The following EHHADH variants were observed in gnomAD, a reference collection of about 807,000 sequenced individuals.
The protein encoded by EHHADH is enoyl-CoA hydratase and 3-hydroxyacyl CoA dehydrogenase, also known as peroxisomal bifunctional enzyme.
EHHADH carries 48 observed loss-of-function variants against 64.4 expected under a neutral mutation model. That is an observed-to-expected ratio of 0.75 (90% confidence interval 0.59 to 0.95). The LOEUF is 0.95. Ranked by LOEUF, EHHADH falls within the 40% of genes least tolerant of loss-of-function variation. EHHADH has a pLI of 0.00. For synonymous variants in EHHADH, 308 were observed against 326.7 expected (o/e 0.94, Z 0.62); for missense variants, 854 against 876.6 (o/e 0.97, Z 0.33).
intron 2 of EHHADH, among the ~76,000 whole-genome samples, chr3:185,237,879 G>A: frequency 6.6e-6 from 1 of 151,992 alleles, no homozygotes; most frequent in East Asian, 1.9e-4. Context: ...TGTACCACTT[G>A]GTAACTTTTC....
chr3:185,211,604 A>G (rs1371839639), intron 5 of EHHADH, among the ~76,000 whole-genome samples: 1 of 152,214 alleles, frequency 6.6e-6, no homozygotes, highest in African/African-American at 2.4e-5. Flanking sequence ...AGCTGTGTCC[A>G]TCATAAAAGC....
In EHHADH at chr3:185,193,033, G is replaced by C. The variant is rs752441466; in HGVS notation, c.1365C>G (p.Thr455=). The C allele has an allele frequency of 6.2e-7, 1 of 1,614,210 alleles. No individual in the cohort carries two copies. The highest frequency in any genetic ancestry group is 1.1e-5 in the South Asian group (1 of 91,080). Residue 455 remains threonine, a synonymous_variant, in exon 7 of 7, where the codon ACC becomes ACG. Coordinates refer to ENST00000231887, the MANE Select transcript of EHHADH (RefSeq NM_001966.4). The part of the protein sequence containing the change: ...VIPSQYSSPT[T]IATVMNLSKK... Reference sequence around the variant, plus strand: ...TTGATAAGTTCATAACAGTGGCAATGGTAGTGGGGGAAGAGTATTGGCTGG... The same window carrying C: ...TTGATAAGTTCATAACAGTGGCAATCGTAGTGGGGGAAGAGTATTGGCTGG...
At chr3:185,232,224 CA>C (rs1372666685) in intron 3 of EHHADH, among the ~76,000 whole-genome samples, 1 of 152,138 alleles carries the variant, frequency 6.6e-6, no homozygotes, top group Non-Finnish European at 1.5e-5. Context: ...AGTCAATCAC[CA>C]TTCTTTCCAT....
intron 2 of EHHADH, among the ~76,000 whole-genome samples, chr3:185,244,970 A>G (rs1719555931): frequency 1.3e-5 from 2 of 152,134 alleles, no homozygotes; most frequent in South Asian, 4.2e-4. Context: ...GTAAAATTGG[A>G]ATATTTTCCT....
rs567541460 is a variant in EHHADH at position 185,245,981 on chromosome 3, C to T, written c.178+2433G>A. On this transcript the variant is annotated intron_variant, in intron 2 of 6. Transcript: ENST00000231887. ...GCCTGTCTGATTACTGAATGAGATA[C>T]CATCATCTTTTTTGCTATCTTCATC... is the stretch of plus-strand genomic sequence containing the variant. The T allele has an allele frequency of 6.0e-6, 9 of 1,495,250 alleles. No homozygotes were observed. The South Asian group carries it at 1.0e-4, about 17-fold the overall frequency. The allele number at this position is 1,495,250 out of a possible 1,614,324, so 92.6% of individuals were successfully genotyped here. A position where few individuals can be genotyped will look rare whatever the true frequency, so the allele number is the denominator to read the frequency against.
chr3:185,205,761 A>T (rs952288532), intron 5 of EHHADH, among the ~76,000 whole-genome samples: 6 of 152,170 alleles, frequency 3.9e-5, no homozygotes, highest in African/African-American at 1.2e-4. Context: ...TTGGAAGGTC[A>T]CCTTTTCCAG....
rs1182076981 is a variant in EHHADH at position 185,246,186 on chromosome 3, C to G, written c.178+2228G>C. On this transcript the variant is annotated intron_variant, in intron 2 of 6. Coordinates refer to ENST00000231887, the MANE Select transcript of EHHADH (RefSeq NM_001966.4). ...CTTCAGCTTCATCAATATCAAATATCTTTTTTGTTTTTTTTTCTTTTTCTT... is the reference window on the plus strand; with the variant it reads ...CTTCAGCTTCATCAATATCAAATATGTTTTTTGTTTTTTTTTCTTTTTCTT... 2.4e-5 allele frequency: 24 copies of G among 1,006,136 alleles called. No homozygotes were observed. The East Asian group carries it at 5.7e-4, about 24-fold the overall frequency. The allele number at this position is 1,006,136 out of a possible 1,614,324, so 62.3% of individuals were successfully genotyped here.
At chr3:185,253,088 A>G (rs967016018) in intron 1 of EHHADH, 2 of 153,632 alleles carry the variant, frequency 1.3e-5, no homozygotes, top group Non-Finnish European at 2.9e-5. Context: ...AGAAAATGCT[A>G]TTGCATAGGC....
chr3:185,232,187 G>T lies in EHHADH; in HGVS notation c.352-2644C>A, dbSNP rs149001214. On this transcript the variant is annotated intron_variant, in intron 3 of 6. Transcript: ENST00000231887. Reference sequence around the variant, plus strand: ...TTCCAAAATACCTCACATATGTGAGGCCTGTCTTACATGAGGTTTTCCTAA... The same window carrying T: ...TTCCAAAATACCTCACATATGTGAGTCCTGTCTTACATGAGGTTTTCCTAA... 5.8e-4 allele frequency among the ~76,000 whole-genome samples: 88 copies of T among 152,140 alleles called. 4 individuals are homozygous for T. In the East Asian group the frequency reaches 0.015, roughly 26 times the overall value.
chr3:185,246,775 C>A (rs1719607769), intron 2 of EHHADH, among the ~76,000 whole-genome samples: 1 of 152,018 alleles, frequency 6.6e-6, no homozygotes, highest in African/African-American at 2.4e-5. Context: ...CTTTCTTCTA[C>A]TTGATTAGGG....
At chr3:185,194,299 C>T (rs923759363) in intron 6 of EHHADH, among the ~76,000 whole-genome samples, 1 of 151,936 alleles carries the variant, frequency 6.6e-6, no homozygotes, top group Non-Finnish European at 1.5e-5. Context: ...AGTGAGACTC[C>T]AACTCTATAA....
chr3:185,219,859 AG>A (rs747041652), intron 4 of EHHADH, among the ~76,000 whole-genome samples: 2 of 152,336 alleles, frequency 1.3e-5, no homozygotes, highest in Non-Finnish European at 2.9e-5. Flanking sequence ...TTGATTGGAT[AG>A]AAAGTTCAGT....
chr3:185,196,089 A>G (rs1718054943), intron 6 of EHHADH, among the ~76,000 whole-genome samples: 1 of 152,234 alleles, frequency 6.6e-6, no homozygotes, highest in African/African-American at 2.4e-5. Context: ...GGGGCATTAT[A>G]TCTTCAACAG....
rs370874023 is a variant in EHHADH at position 185,204,158 on chromosome 3, AG to A, written c.910+257del. Among the ~76,000 whole-genome samples, 12,886 of 134,326 alleles carry A rather than the reference AG, an allele frequency of 0.096. 1,001 individuals are homozygous for A. The highest frequency in any genetic ancestry group is 0.25 in the East Asian group (1,023 of 4,124). 88.1% of individuals were successfully genotyped at this position (134,326 alleles called of 152,430 possible). On this transcript the variant is annotated intron_variant, in intron 6 of 6. Transcript: ENST00000231887. ...AAAAAAAAAAAAAAAAAAAAAAAAAAGAATAAAACATTCCCAGTCTGGAGTC... is the reference window on the plus strand; with the variant it reads ...AAAAAAAAAAAAAAAAAAAAAAAAAAAATAAAACATTCCCAGTCTGGAGTC...
chr3:185,200,359 A>G (rs1317205616), intron 6 of EHHADH, among the ~76,000 whole-genome samples: 2 of 152,194 alleles, frequency 1.3e-5, no homozygotes, highest in Non-Finnish European at 2.9e-5. Context: ...TCAATACTAT[A>G]TAATAAATAT....
intron 5 of EHHADH, among the ~76,000 whole-genome samples, chr3:185,215,952 T>C (rs1272187794): frequency 6.6e-6 from 1 of 152,204 alleles, no homozygotes; most frequent in East Asian, 1.9e-4. Flanking sequence ...CATTTTTCTA[T>C]ATAGTTTTCA....
intron 4 of EHHADH, among the ~76,000 whole-genome samples, chr3:185,221,476 G>A (rs1280990345): frequency 2.0e-5 from 3 of 151,618 alleles, no homozygotes; most frequent in Admixed American, 2.0e-4. Flanking sequence ...TCATATTTCT[G>A]GTCTAACTCT....
At position 185,199,152 on chromosome 3, in the gene EHHADH, T is replaced by C. The variant is rs117308405; in HGVS notation, c.910+5264A>G. On this transcript the variant is annotated intron_variant, in intron 6 of 6. Transcript: ENST00000231887. ...ACCTTAAAGGAAGATTAGACTGTAA[T>C]AGGTAAAACTGAGGAAGTTGAACCA... Among the ~76,000 whole-genome samples, 145 of 152,178 alleles carry C rather than the reference T, an allele frequency of 9.5e-4. 2 individuals are homozygous for C. The East Asian group carries it at 0.024, about 25-fold the overall frequency.
intron 1 of EHHADH, among the ~76,000 whole-genome samples, chr3:185,251,872 T>C (rs537533538): frequency 2.6e-4 from 40 of 152,326 alleles, no homozygotes; most frequent in African/African-American, 9.4e-4. Flanking sequence ...GAATATCTTC[T>C]TGATGAAACT....
Sources: allele counts gnomAD v4.1 joint callset (sites outside exome capture counted in the v4.1 genomes callset), GRCh38; gene constraint gnomAD v4.1.1; transcripts MANE v1.5; gene names NCBI Gene and HGNC (gene_info 2026-07-23, HGNC 2026-07-21).